TRDN: variants seen among roughly 807,000 people sequenced by gnomAD.
The protein encoded by TRDN is triadin in skeletal muscle.
Under a neutral mutation model 149.7 loss-of-function variants are expected in TRDN, and 161 were observed. The observed-to-expected ratio is 1.08, with a 90% CI of 0.95 to 1.23. The LOEUF (loss-of-function observed/expected upper bound fraction) is 1.23, where lower values mean the gene tolerates loss of function less well. Among genes scored for constraint, TRDN ranks in the 50% most tolerant of loss-of-function variants. The pLI is 0.00. For missense variants in TRDN, 896 were observed against 823.5 expected, an observed-to-expected ratio of 1.09 and a Z score of -1.08; for synonymous variants, 294 against 250.5, an observed-to-expected ratio of 1.17 and a Z score of -1.64.
intron 2 of TRDN, among the ~76,000 whole-genome samples, chr6:123,569,844 G>A (rs1434138035): frequency 1.3e-5 from 2 of 152,170 alleles, no homozygotes; most frequent in Non-Finnish European, 2.9e-5. Context: ...GTCACCTCCT[G>A]CTAGGCCCAT....
At chr6:123,514,538 C>T (rs1287620695) in intron 6 of TRDN, among the ~76,000 whole-genome samples, 3 of 151,612 alleles carry the variant, frequency 2.0e-5, no homozygotes, top group Admixed American at 6.6e-5. Flanking sequence ...CACACATGTC[C>T]GTTCACAAAG....
At chr6:123,597,834 T>G (rs1217161421) in intron 1 of TRDN, among the ~76,000 whole-genome samples, 1 of 152,126 alleles carries the variant, frequency 6.6e-6, no homozygotes, top group Non-Finnish European at 1.5e-5. Flanking sequence ...ATAGTGTAGA[T>G]ATAACTTTTA....
chr6:123,482,703 T>C (rs897536872), intron 9 of TRDN, among the ~76,000 whole-genome samples: 2 of 152,138 alleles, frequency 1.3e-5, no homozygotes, highest in Non-Finnish European at 2.9e-5. Context: ...AATATGACAA[T>C]ATTGTACTTT....
intron 38 of TRDN, among the ~76,000 whole-genome samples, chr6:123,234,232 C>T (rs1391066970): frequency 6.6e-6 from 1 of 152,088 alleles, no homozygotes; most frequent in East Asian, 1.9e-4. Flanking sequence ...AGTAATGTTG[C>T]CATTCCATTT....
rs1028673479 is a variant in TRDN, at chr6:123,392,580, C to T, written c.1105+1044G>A. On this transcript the variant is annotated intron_variant, in intron 13 of 40. Coordinates refer to ENST00000334268, the MANE Select transcript of TRDN (RefSeq NM_006073.4). The stretch of plus-strand genomic sequence containing the variant: ...AATAATATTTGTCCTGCCTTTCTAT[C>T]GTTCATAATATTTACTATATTCCCT... 4.6e-5 allele frequency among the ~76,000 whole-genome samples: 7 copies of T among 152,052 alleles called. No individual in the cohort carries two copies. In the East Asian group the frequency reaches 1.4e-3, roughly 29 times the overall value.
At chr6:123,543,403 C>G (rs556312896) in intron 4 of TRDN, among the ~76,000 whole-genome samples, 3 of 152,204 alleles carry the variant, frequency 2.0e-5, no homozygotes, top group African/African-American at 7.2e-5. Context: ...GAAAAAAATA[C>G]ATTTGTTGAT....
At chr6:123,474,841 AAT>A (rs1489691642) in intron 9 of TRDN, among the ~76,000 whole-genome samples, 10 of 152,152 alleles carry the variant, frequency 6.6e-5, no homozygotes, top group African/African-American at 2.4e-4. Flanking sequence ...TACATAACGA[AAT>A]GAAGGCAGTA....
Position 123,291,912 on chromosome 6 carries a change from T to C in TRDN, c.1511-12830A>G, listed in dbSNP as rs552477655. ...TTTTCTCCTCTGTTTATGACTGCTG[T>C]TGTGGTCTGATGGTAAAGTGTTTTG... On this transcript the variant is annotated intron_variant, in intron 24 of 40. Transcript: ENST00000334268. Among the ~76,000 whole-genome samples the C allele has an allele frequency of 2.6e-5, 4 of 152,298 alleles. No individual in the cohort carries two copies. In the East Asian group the frequency reaches 5.8e-4, roughly 22 times the overall value.
At chr6:123,486,130 A>G (rs2114782893) in intron 9 of TRDN, among the ~76,000 whole-genome samples, 1 of 152,230 alleles carries the variant, frequency 6.6e-6, no homozygotes, top group Admixed American at 6.5e-5. Context: ...GCATAAGATG[A>G]CTTAAATTAC....
chr6:123,329,341 G>A (rs376900555), intron 23 of TRDN, among the ~76,000 whole-genome samples: 4 of 152,120 alleles, frequency 2.6e-5, no homozygotes, highest in African/African-American at 9.7e-5. Flanking sequence ...GCCATATTAT[G>A]TCTGATGCTC....
chr6:123,561,739 C>G (rs943074211), intron 2 of TRDN, among the ~76,000 whole-genome samples: 2 of 152,012 alleles, frequency 1.3e-5, no homozygotes, highest in Non-Finnish European at 2.9e-5. Context: ...TCTAACAACC[C>G]CACAATATCA....
At chr6:123,233,507 T>C (rs1775683584) in intron 38 of TRDN, among the ~76,000 whole-genome samples, 1 of 152,076 alleles carries the variant, frequency 6.6e-6, no homozygotes, top group Non-Finnish European at 1.5e-5. Context: ...CACGGCTCTC[T>C]TGAGGGCAAT....
intron 8 of TRDN, among the ~76,000 whole-genome samples, chr6:123,499,718 AAATAT>A (rs1422657268): frequency 2.7e-5 from 3 of 109,732 alleles, no homozygotes; most frequent in Admixed American, 1.0e-4. Context: ...AAAAAAAAAA[AAATAT>A]ATATATATAT....
chr6:123,447,169 A>C (rs570122216), intron 10 of TRDN, among the ~76,000 whole-genome samples: 1 of 151,896 alleles, frequency 6.6e-6, no homozygotes, highest in East Asian at 1.9e-4. Context: ...TGCTCTTCTC[A>C]TTATCAACTG....
chr6:123,409,678 G>C (rs1324886361), intron 12 of TRDN, among the ~76,000 whole-genome samples: 2 of 135,796 alleles, frequency 1.5e-5, no homozygotes, highest in African/African-American at 5.5e-5. Flanking sequence ...AGTTAAAACA[G>C]ATAATGTAAT....
intron 1 of TRDN, among the ~76,000 whole-genome samples, chr6:123,586,738 T>C (rs1783506911): frequency 6.6e-6 from 1 of 151,442 alleles, no homozygotes; most frequent in African/African-American, 2.4e-5. Context: ...GAAGGAGGAA[T>C]GGAGGGTGGA....
chr6:123,586,340 C>A (rs112158151), intron 1 of TRDN, among the ~76,000 whole-genome samples: 3 of 150,882 alleles, frequency 2.0e-5, no homozygotes, highest in African/African-American at 4.9e-5. Context: ...CTCGGCCTGG[C>A]GAGGAGGGGA....
chr6:123,603,685 A>T (rs1784383364), intron 1 of TRDN, among the ~76,000 whole-genome samples: 1 of 152,136 alleles, frequency 6.6e-6, no homozygotes, highest in Non-Finnish European at 1.5e-5. Context: ...GAGATTCTTT[A>T]TACTTTGCTT....
intron 9 of TRDN, among the ~76,000 whole-genome samples, chr6:123,472,792 C>G: frequency 6.6e-6 from 1 of 152,050 alleles, no homozygotes; most frequent in Non-Finnish European, 1.5e-5. Context: ...ACCCCTGACC[C>G]CCGAGCAGCC....
Sources: allele counts gnomAD v4.1 joint callset (sites outside exome capture counted in the v4.1 genomes callset), GRCh38; gene constraint gnomAD v4.1.1; transcripts MANE v1.5; gene names NCBI Gene and HGNC (gene_info 2026-07-23, HGNC 2026-07-21).